Variants in OLFM3 observed in about 807,000 individuals in gnomAD.
The protein encoded by OLFM3 is noelin-3.
OLFM3 carries 20 observed loss-of-function variants against 48.6 expected under a neutral mutation model. The ratio of observed to expected loss-of-function variants is 0.41; its 90% CI spans 0.29 to 0.60. The LOEUF (loss-of-function observed/expected upper bound fraction) is 0.60, where lower values mean the gene tolerates loss of function less well. Among genes scored for constraint, OLFM3 ranks in the 20% least tolerant of loss-of-function variants. The pLI is 0.28. For missense variants in OLFM3, 437 were observed against 544.3 expected (o/e 0.80, Z 1.96); for synonymous variants, 222 against 198.1 (o/e 1.12, Z -1.01).
chr1:101,821,142 G>A (rs1040686374), intron 4 of OLFM3, among the ~76,000 whole-genome samples: 7 of 151,984 alleles, frequency 4.6e-5, no homozygotes, highest in Non-Finnish European at 1.0e-4. Context: ...CTGATATATG[G>A]ATAATTGGGT....
intron 1 of OLFM3, among the ~76,000 whole-genome samples, chr1:101,970,097 C>T (rs890436576): frequency 1.3e-5 from 2 of 151,756 alleles, no homozygotes; most frequent in Non-Finnish European, 1.5e-5. Context: ...CTCACTGCAA[C>T]CTCCACCTTC....
intron 3 of OLFM3, among the ~76,000 whole-genome samples, chr1:101,830,067 T>C (rs1433815740): frequency 6.6e-6 from 1 of 152,100 alleles, no homozygotes; most frequent in East Asian, 1.9e-4. Context: ...CTCAATCTCC[T>C]GACCTTGTGA....
At chr1:101,868,073 G>A (rs968731452) in intron 1 of OLFM3, among the ~76,000 whole-genome samples, 7 of 152,168 alleles carry the variant, frequency 4.6e-5, no homozygotes, top group African/African-American at 1.7e-4. Context: ...CTGCAGAACT[G>A]TGAGTCAGTT....
chr1:101,933,201 C>CAAAAAA (rs761881274), intron 1 of OLFM3, among the ~76,000 whole-genome samples: 35 of 40,124 alleles, frequency 8.7e-4, no homozygotes, highest in East Asian at 1.6e-3. Context: ...GACTCCATCT[C>CAAAAAA]AAAAAAAAAA....
At chr1:101,965,467 C>T (rs1201443492) in intron 1 of OLFM3, among the ~76,000 whole-genome samples, 5 of 152,148 alleles carry the variant, frequency 3.3e-5, no homozygotes, top group Non-Finnish European at 7.4e-5. Context: ...ATATAAAACT[C>T]CTATTAGAAG....
intron 1 of OLFM3, among the ~76,000 whole-genome samples, chr1:101,903,016 T>G (rs1419817278): frequency 6.6e-6 from 1 of 152,112 alleles, no homozygotes; most frequent in Non-Finnish European, 1.5e-5. Flanking sequence ...GAAATCCACT[T>G]GACAGCTTGG....
At chr1:101,914,866 G>C (rs901534673) in intron 1 of OLFM3, among the ~76,000 whole-genome samples, 1 of 152,126 alleles carries the variant, frequency 6.6e-6, no homozygotes, top group Non-Finnish European at 1.5e-5. Flanking sequence ...AGAAAGAAGA[G>C]GTTGGGAAAT....
At chr1:101,957,998 G>A (rs1660348636) in intron 1 of OLFM3, among the ~76,000 whole-genome samples, 1 of 152,062 alleles carries the variant, frequency 6.6e-6, no homozygotes, top group Non-Finnish European at 1.5e-5. Context: ...ATTGTGCTAT[G>A]ATTTATGTGG....
At chr1:101,899,341 G>T (rs1190616983) in intron 1 of OLFM3, among the ~76,000 whole-genome samples, 1 of 152,170 alleles carries the variant, frequency 6.6e-6, no homozygotes, top group African/African-American at 2.4e-5. Context: ...ATGATAGCTT[G>T]TTTCCCTCCT....
chr1:101,885,763 G>A (rs953239566), intron 1 of OLFM3, among the ~76,000 whole-genome samples: 1 of 152,062 alleles, frequency 6.6e-6, no homozygotes, highest in Non-Finnish European at 1.5e-5. Flanking sequence ...CACAAAATGT[G>A]TGTCAATTAA....
Position 101,809,562 on chromosome 1 carries a change from A to G in OLFM3, c.593-3380T>C, listed in dbSNP as rs141125637. ...TATATTGCAGTGAGTACACCAAGAC[A>G]GGGGAAGACATCAGACAAGAAAATA... On this transcript the variant is annotated intron_variant, in intron 4 of 5. Coordinates refer to ENST00000370103, the MANE Select transcript of OLFM3 (RefSeq NM_058170.4). 5.6e-3 allele frequency among the ~76,000 whole-genome samples: 854 copies of G among 152,052 alleles called. 6 individuals are homozygous for G. The highest frequency in any genetic ancestry group is 0.019 in the African/African-American group (807 of 41,542).
At chr1:101,885,837 G>T (rs1302528340) in intron 1 of OLFM3, among the ~76,000 whole-genome samples, 1 of 151,988 alleles carries the variant, frequency 6.6e-6, no homozygotes, top group Non-Finnish European at 1.5e-5. Flanking sequence ...AATGCTTTAT[G>T]CTATTGGTAC....
intron 1 of OLFM3, among the ~76,000 whole-genome samples, chr1:101,971,626 G>C (rs2101097020): frequency 6.6e-6 from 1 of 152,226 alleles, no homozygotes; most frequent in African/African-American, 2.4e-5. Context: ...TGGGTATATG[G>C]TATTGTTTTC....
intron 1 of OLFM3, among the ~76,000 whole-genome samples, chr1:101,919,116 C>T (rs1038526446): frequency 1.3e-5 from 2 of 152,100 alleles, no homozygotes; most frequent in Non-Finnish European, 2.9e-5. Context: ...AACAACTGGA[C>T]AGTAGAACTT....
chr1:101,902,587 A>G (rs974572563), intron 1 of OLFM3, among the ~76,000 whole-genome samples: 8 of 152,098 alleles, frequency 5.3e-5, no homozygotes, highest in African/African-American at 1.9e-4. Flanking sequence ...TGTTTATAAG[A>G]AAGATGGTCT....
At position 101,871,045 on chromosome 1, in the gene OLFM3, T is replaced by G. The variant is rs371926894; in HGVS notation, c.70-34020A>C. On this transcript the variant is annotated intron_variant, in intron 1 of 5. Transcript: ENST00000370103. ...AGTAATATGTTGACTTTATAACTCT[T>G]GTACATACTCAGTCACTGTGCAGTT... Among the ~76,000 whole-genome samples, 3 of 152,254 alleles carry G rather than the reference T, an allele frequency of 2.0e-5. No individual in the cohort carries two copies. The South Asian group carries it at 6.2e-4, about 32-fold the overall frequency.
At position 101,996,894 on chromosome 1, in the gene OLFM3, G is replaced by A; in HGVS notation, c.-78C>T. On this transcript the variant is annotated 5_prime_UTR_variant, in exon 1 of 6. Coordinates refer to ENST00000370103, the MANE Select transcript of OLFM3 (RefSeq NM_058170.4). ...CACTGCAGAGACCTTTCCCTCGTCA[G>A]TTGCACTTTCTGCCTGCCAGTCAGA... The A allele has an allele frequency of 1.4e-6, 1 of 693,726 alleles. No individual in the cohort carries two copies. Among genetic ancestry groups the A allele is most frequent in the East Asian group, 3.8e-5 (1 of 26,448 alleles). 43.0% of individuals were successfully genotyped at this position (693,726 alleles called of 1,614,324 possible). A position where few individuals can be genotyped will look rare whatever the true frequency, so the allele number is the denominator to read the frequency against.
intron 1 of OLFM3, among the ~76,000 whole-genome samples, chr1:101,856,004 G>A (rs191356757): frequency 5.3e-5 from 8 of 152,062 alleles, no homozygotes; most frequent in Non-Finnish European, 8.8e-5. Flanking sequence ...TCTGGTGGTA[G>A]TAAACAACCC....
chr1:101,818,563 C>T lies in OLFM3; in HGVS notation c.592+6463G>A, dbSNP rs576364730. Among the ~76,000 whole-genome samples, 8 of 152,210 alleles carry T rather than the reference C, an allele frequency of 5.3e-5. No individual in the cohort carries two copies. The South Asian group carries it at 1.2e-3, about 24-fold the overall frequency. On this transcript the variant is annotated intron_variant, in intron 4 of 5. Transcript: ENST00000370103. The stretch of plus-strand genomic sequence containing the variant: ...CCTCCATTGCATTTCTGAGTCAAAT[C>T]TCCCACATCTCTACCTCAGGCACAC...
Sources: allele counts gnomAD v4.1 joint callset (sites outside exome capture counted in the v4.1 genomes callset), GRCh38; gene constraint gnomAD v4.1.1; transcripts MANE v1.5; gene names NCBI Gene and HGNC (gene_info 2026-07-23, HGNC 2026-07-21).